The following ZMIZ1 variants were observed in gnomAD, a reference collection of about 807,000 sequenced individuals.
ZMIZ1 encodes the protein zinc finger MIZ domain-containing protein 1.
ZMIZ1 carries 17 observed loss-of-function variants against 113.9 expected under a neutral mutation model. That is an observed-to-expected ratio of 0.15 (90% CI 0.10 to 0.22). The LOEUF (loss-of-function observed/expected upper bound fraction) is 0.22, where lower values mean the gene tolerates loss of function less well. Ranked by LOEUF, ZMIZ1 falls within the 10% of genes least tolerant of loss-of-function variation. The probability of loss-of-function intolerance (pLI) is 1.00; values close to 1 mark genes in which losing one functional copy is unlikely to be tolerated. For synonymous variants in ZMIZ1, 607 were observed against 603.1 expected, an observed-to-expected ratio of 1.01 and a Z score of -0.09; for missense variants, 1,059 against 1,477.8, an observed-to-expected ratio of 0.72 and a Z score of 4.65.
chr10:79,244,627 T>G (rs142350680), intron 7 of ZMIZ1, among the ~76,000 whole-genome samples: 1 of 152,208 alleles, frequency 6.6e-6, no homozygotes, highest in African/African-American at 2.4e-5. Flanking sequence ...CAGATGAGTG[T>G]TGAGCAGGGC....
rs1842687588 is a variant in ZMIZ1, at chr10:79,082,378, GCCCA to G, written c.-337+13109_-337+13112del. Among the ~76,000 whole-genome samples, 3 of 152,218 alleles carry G rather than the reference GCCCA, an allele frequency of 2.0e-5. No homozygotes were observed. In the South Asian group the frequency reaches 6.2e-4, roughly 31 times the overall value. ...CTCAGGAGCCCACCTGAGACCCCACGCCCAGCTTTTTGGCTCATCAGGCTCATTT... is the reference window on the plus strand; with the variant it reads ...CTCAGGAGCCCACCTGAGACCCCACGGCTTTTTGGCTCATCAGGCTCATTT... On this transcript the variant is annotated intron_variant, in intron 1 of 24. Coordinates refer to ENST00000334512, the MANE Select transcript of ZMIZ1 (RefSeq NM_020338.4).
Position 79,314,452 on chromosome 10 carries a change from A to C in ZMIZ1, c.*1703A>C, listed in dbSNP as rs1396473278. ...CAGACGGCACAAGGTTTTCTGTAGGAAAGCTGCCATTGCCCCGGCCCCTTT... is the reference window on the plus strand; with the variant it reads ...CAGACGGCACAAGGTTTTCTGTAGGCAAGCTGCCATTGCCCCGGCCCCTTT... On this transcript the variant is annotated 3_prime_UTR_variant, in exon 25 of 25. Transcript: ENST00000334512. 5.8e-6 allele frequency: 2 copies of C among 346,320 alleles called. No individual in the cohort carries two copies. Among genetic ancestry groups the C allele is most frequent in the African/African-American group, 4.3e-5 (2 of 46,684 alleles). 21.5% of individuals were successfully genotyped at this position (346,320 alleles called of 1,614,324 possible). A position where few individuals can be genotyped will look rare whatever the true frequency, so the allele number is the denominator to read the frequency against.
chr10:79,244,825 G>A (rs549962172), intron 7 of ZMIZ1, among the ~76,000 whole-genome samples: 27 of 152,324 alleles, frequency 1.8e-4, no homozygotes, highest in Non-Finnish European at 3.2e-4. Context: ...TGAAGTCAGG[G>A]TGACCCCAGA....
chr10:79,302,500 A>G (rs999209766), intron 18 of ZMIZ1, among the ~76,000 whole-genome samples: 6 of 152,156 alleles, frequency 3.9e-5, no homozygotes, highest in Non-Finnish European at 8.8e-5. Context: ...CATACCTGCA[A>G]TAGCAGCACA....
chr10:79,076,115 C>T lies in ZMIZ1; in HGVS notation c.-337+6845C>T, dbSNP rs182175750. Among the ~76,000 whole-genome samples, 51 of 152,324 alleles carry T rather than the reference C, an allele frequency of 3.3e-4. 1 individual carries two copies. The highest frequency in any genetic ancestry group is 1.1e-3 in the African/African-American group (47 of 41,574). On this transcript the variant is annotated intron_variant, in intron 1 of 24. Transcript: ENST00000334512. Reference sequence around the variant, plus strand: ...GCATAAAATTAGTGGGAACTGGTTGCGTTACCTGGTCTGGCCTTTCCTTTC... The same window carrying T: ...GCATAAAATTAGTGGGAACTGGTTGTGTTACCTGGTCTGGCCTTTCCTTTC...
intron 2 of ZMIZ1, among the ~76,000 whole-genome samples, chr10:79,131,797 G>A: frequency 6.6e-6 from 1 of 151,926 alleles, no homozygotes; most frequent in East Asian, 1.9e-4. Context: ...CCCGGCCCCT[G>A]TTCTGGTGGA....
chr10:79,279,629 T>C (rs1348265924), intron 8 of ZMIZ1, among the ~76,000 whole-genome samples: 3 of 152,026 alleles, frequency 2.0e-5, no homozygotes, highest in African/African-American at 4.8e-5. Context: ...GAGGTGGAGA[T>C]TGTAGCGAGC....
chr10:79,156,825 G>A lies in ZMIZ1; in HGVS notation c.-130-5228G>A, dbSNP rs575602935. Reference sequence around the variant, plus strand: ...AGGCCAACTGTAGTTACTGCTCTTCGGTGAAAAGATTGAGAGGATATGCAG... The same window carrying A: ...AGGCCAACTGTAGTTACTGCTCTTCAGTGAAAAGATTGAGAGGATATGCAG... On this transcript the variant is annotated intron_variant, in intron 3 of 24. Coordinates refer to ENST00000334512, the MANE Select transcript of ZMIZ1 (RefSeq NM_020338.4). Among the ~76,000 whole-genome samples, 132 of 152,290 alleles carry A rather than the reference G, an allele frequency of 8.7e-4. 4 individuals are homozygous for A. The South Asian group carries it at 0.026, about 30-fold the overall frequency.
chr10:79,091,407 G>A (rs1842979298), intron 1 of ZMIZ1, among the ~76,000 whole-genome samples: 2 of 152,222 alleles, frequency 1.3e-5, no homozygotes, highest in African/African-American at 4.8e-5. Flanking sequence ...TCCATTAGAA[G>A]GATGGCCAAA....
At chr10:79,235,414 C>T (rs938107935) in intron 7 of ZMIZ1, among the ~76,000 whole-genome samples, 12 of 152,186 alleles carry the variant, frequency 7.9e-5, no homozygotes, top group Non-Finnish European at 1.8e-4. Context: ...CTCGGGCTTG[C>T]TTCTCAACCA....
chr10:79,280,301 G>T (rs992878664), intron 8 of ZMIZ1, among the ~76,000 whole-genome samples: 1 of 152,070 alleles, frequency 6.6e-6, no homozygotes, highest in African/African-American at 2.4e-5. Context: ...AAAAGACAGG[G>T]TCTCACCCTG....
intron 1 of ZMIZ1, among the ~76,000 whole-genome samples, chr10:79,117,257 A>G (rs1708780006): frequency 6.6e-6 from 1 of 152,286 alleles, no homozygotes; most frequent in African/African-American, 2.4e-5. Context: ...GCCAGCTCTC[A>G]GCAGGTGGAG....
chr10:79,268,588 G>A lies in ZMIZ1; in HGVS notation c.281-8593G>A, dbSNP rs549527886. Reference sequence around the variant, plus strand: ...GGCTGCATAGCATGTGCTAAACGCCGTGCTGGGTGCCAGGGTTGTAGAAGT... The same window carrying A: ...GGCTGCATAGCATGTGCTAAACGCCATGCTGGGTGCCAGGGTTGTAGAAGT... On this transcript the variant is annotated intron_variant, in intron 7 of 24. Transcript: ENST00000334512. 1.7e-4 allele frequency among the ~76,000 whole-genome samples: 26 copies of A among 152,332 alleles called. No homozygotes were observed. The East Asian group carries it at 2.7e-3, about 16-fold the overall frequency.
intron 7 of ZMIZ1, among the ~76,000 whole-genome samples, chr10:79,268,211 A>T (rs994436077): frequency 1.3e-5 from 2 of 152,182 alleles, no homozygotes; most frequent in African/African-American, 4.8e-5. Flanking sequence ...GCTGGCCCCC[A>T]CGCTGTATGA....
At chr10:79,207,112 C>T (rs1414053757) in intron 5 of ZMIZ1, among the ~76,000 whole-genome samples, 8 of 152,244 alleles carry the variant, frequency 5.3e-5, no homozygotes, top group Non-Finnish European at 7.3e-5. Context: ...ATTCCCGTAG[C>T]TCCCCTGCCA....
chr10:79,313,584 C>T lies in ZMIZ1; in HGVS notation c.*835C>T, dbSNP rs1855346711. The T allele has an allele frequency of 4.8e-6, 1 of 208,450 alleles. No homozygotes were observed. The highest frequency in any genetic ancestry group is 8.0e-5 in the South Asian group (1 of 12,558). The allele number at this position is 208,450 out of a possible 1,614,324, so 12.9% of individuals were successfully genotyped here. A position where few individuals can be genotyped will look rare whatever the true frequency, so the allele number is the denominator to read the frequency against. ...GTACACCCAACCAAAGTGATTGTGC[C>T]CTTGGTTGGGGGGCGCGGGCATATA... On this transcript the variant is annotated 3_prime_UTR_variant, in exon 25 of 25. Coordinates refer to ENST00000334512, the MANE Select transcript of ZMIZ1 (RefSeq NM_020338.4).
chr10:79,289,088 G>T (rs1397537634), intron 8 of ZMIZ1, among the ~76,000 whole-genome samples: 3 of 152,158 alleles, frequency 2.0e-5, no homozygotes, highest in African/African-American at 7.2e-5. Context: ...CCTTATAAAT[G>T]CTGGAAGCCA....
At chr10:79,076,839 A>AAAAT (rs1842490723) in intron 1 of ZMIZ1, among the ~76,000 whole-genome samples, 1 of 152,174 alleles carries the variant, frequency 6.6e-6, no homozygotes, top group Non-Finnish European at 1.5e-5. Context: ...TCTGCCTAAA[A>AAAAT]AAATAAATAA....
intron 2 of ZMIZ1, among the ~76,000 whole-genome samples, chr10:79,127,294 A>G (rs1359435576): frequency 6.6e-6 from 1 of 151,988 alleles, no homozygotes; most frequent in Non-Finnish European, 1.5e-5. Flanking sequence ...CAGAGCCTCC[A>G]CTGACCTGCA....
Sources: allele counts gnomAD v4.1 joint callset (sites outside exome capture counted in the v4.1 genomes callset), GRCh38; gene constraint gnomAD v4.1.1; transcripts MANE v1.5; gene names NCBI Gene and HGNC (gene_info 2026-07-23, HGNC 2026-07-21).